Variants in CCDC187 observed in about 807,000 individuals in gnomAD.
CCDC187 encodes the protein coiled-coil domain containing 187, also known as coiled-coil domain-containing protein 187.
In CCDC187, 32 loss-of-function variants were observed where a neutral mutation model predicts 38.0. The observed-to-expected ratio is 0.84, with a 90% CI of 0.64 to 1.13. The LOEUF (loss-of-function observed/expected upper bound fraction) is 1.13, where lower values mean the gene tolerates loss of function less well. Ranked by LOEUF, CCDC187 falls within the 50% of genes most tolerant of loss-of-function variation. The pLI, the probability that CCDC187 is intolerant of heterozygous loss-of-function variation, is 0.00. For missense variants in CCDC187, 707 were observed against 786.8 expected, an observed-to-expected ratio of 0.90 and a Z score of 1.21; for synonymous variants, 333 against 347.9, an observed-to-expected ratio of 0.96 and a Z score of 0.48.
chr9:136,267,360 C>G, intron 16 of CCDC187, 24 bp downstream of exon 16: 2 of 984,984 alleles, frequency 2.0e-6, no homozygotes, highest in Non-Finnish European at 2.4e-6. Flanking sequence ...CGGGGCGGGG[C>G]CGGCGCCAGG....
Position 136,267,484 on chromosome 9 carries a change from C to A in CCDC187, c.3547G>T (p.Glu1183Ter). The part of the protein sequence containing the change: ...QMLERSLREE[E>*]LRAQHQAALL... ...GCGGCCTGGTGCTGTGCTCGCAGCT[C>A]CTCCTCCCGCAGGCTCCGCTCCAGC... Residue 1183 changes from glutamate to a stop codon, truncating the protein, a stop_gained, in exon 16 of 26, where the codon GAG (glutamate) becomes TAG (stop). Coordinates refer to ENST00000638797, the MANE Select transcript of CCDC187 (RefSeq NM_001378188.1). LOFTEE classifies it high-confidence loss of function. The A allele has an allele frequency of 4.1e-6, 4 of 985,706 alleles. No individual in the cohort carries two copies. The highest frequency in any genetic ancestry group is 4.8e-6 in the Non-Finnish European group (4 of 830,122). The allele number at this position is 985,706 out of a possible 1,614,324, so 61.1% of individuals were successfully genotyped here. A position where few individuals can be genotyped will look rare whatever the true frequency, so the allele number is the denominator to read the frequency against.
In CCDC187 at chr9:136,258,725, C is replaced by T. The variant is rs1385577108; in HGVS notation, c.4366+207G>A. 8.1e-5 allele frequency: 80 copies of T among 985,342 alleles called. No individual in the cohort carries two copies. Among genetic ancestry groups the T allele is most frequent in the Non-Finnish European group, 9.3e-5 (77 of 829,938 alleles). The allele number at this position is 985,342 out of a possible 1,614,324, so 61.0% of individuals were successfully genotyped here. ...TGACTTTTAATTTCTCCAGAAGAGC[C>T]GCTGCGTCACCTCCGGTAGGAGATG... On this transcript the variant is annotated intron_variant, in intron 22 of 25. Transcript: ENST00000638797. This position sits in a 1 kb window ranked among gnomAD's most constrained non-coding sequence, Gnocchi z 4.3.
chr9:136,293,125 ACACT>A (rs1330431957), intron 4 of CCDC187, among the ~76,000 whole-genome samples: 13 of 132,580 alleles, frequency 9.8e-5, no homozygotes, highest in African/African-American at 4.4e-4. Context: ...ACACTCACAA[ACACT>A]CACATGCTCA....
chr9:136,281,403 T>C (rs1831037437), intron 10 of CCDC187, 148 bp downstream of exon 10: 2 of 398,076 alleles, frequency 5.0e-6, no homozygotes, highest in African/African-American at 4.1e-5. Flanking sequence ...AAACCTTTAA[T>C]AACGAGGCGT....
chr9:136,279,140 C>G (rs906608415), intron 10 of CCDC187, among the ~76,000 whole-genome samples: 1 of 150,688 alleles, frequency 6.6e-6, no homozygotes, highest in African/African-American at 2.4e-5. Context: ...AATCTAGAAG[C>G]TTCCATTGGA....
chr9:136,265,018 C>T (rs1242165749), intron 17 of CCDC187, among the ~76,000 whole-genome samples: 3 of 152,234 alleles, frequency 2.0e-5, no homozygotes, highest in African/African-American at 4.8e-5. Context: ...TCCCAAAGTG[C>T]TGGAATTACG....
Position 136,294,026 on chromosome 9 carries a change from A to T in CCDC187, c.833-1731T>A, listed in dbSNP as rs911245321. On this transcript the variant is annotated intron_variant, in intron 4 of 25. Coordinates refer to ENST00000638797, the MANE Select transcript of CCDC187 (RefSeq NM_001378188.1). Reference sequence around the variant, plus strand: ...TATACACACGCCCTCACATGCTCTCACACACACACTCATATACACACGCCC... The same window carrying T: ...TATACACACGCCCTCACATGCTCTCTCACACACACTCATATACACACGCCC... 2.8e-3 allele frequency among the ~76,000 whole-genome samples: 410 copies of T among 146,298 alleles called. 1 individual carries two copies. Among genetic ancestry groups the T allele is most frequent in the African/African-American group, 0.01 (384 of 37,628 alleles).
chr9:136,290,146 G>A, intron 6 of CCDC187, 93 bp from the exon 7 acceptor site: 2 of 398,092 alleles, frequency 5.0e-6, no homozygotes, highest in Non-Finnish European at 8.9e-6. Flanking sequence ...GACCTCCCTT[G>A]GGGGTCTCAG....
In CCDC187 at chr9:136,262,344, G is replaced by A. The variant is rs539084384; in HGVS notation, c.4031C>T (p.Pro1344Leu). Residue 1344 changes from proline (P) to leucine (L), a missense_variant, in exon 19 of 26, where the codon CCC becomes CTC. Physicochemically the swap from Pro to Leu is moderately conservative, Grantham distance 98. Coordinates refer to ENST00000638797, the MANE Select transcript of CCDC187 (RefSeq NM_001378188.1). The stretch of plus-strand genomic sequence containing the variant: ...CTTTGAGCTTGCGGGGCTGCTCTGG[G>A]GGCGATGGCTGGTGGAGCTGCTGGG... Reference protein sequence around the residue: ...CRPSSSTSHRPQSSPASSKAT... With the variant: ...CRPSSSTSHRLQSSPASSKAT... 1 of 986,932 alleles carries A rather than the reference G, an allele frequency of 1.0e-6. No homozygotes were observed. Among genetic ancestry groups the A allele is most frequent in the African/African-American group, 1.7e-5 (1 of 57,404 alleles). The allele number at this position is 986,932 out of a possible 1,614,324, so 61.1% of individuals were successfully genotyped here.
At chr9:136,295,697 C>T (rs914938458) in intron 4 of CCDC187, among the ~76,000 whole-genome samples, 20 of 152,196 alleles carry the variant, frequency 1.3e-4, no homozygotes, top group Admixed American at 2.6e-4. Flanking sequence ...GCTGTGACTT[C>T]GTCACTGACA....
chr9:136,294,747 C>T (rs891255575), intron 4 of CCDC187, among the ~76,000 whole-genome samples: 87 of 152,172 alleles, frequency 5.7e-4, no homozygotes, highest in Non-Finnish European at 9.8e-4. Flanking sequence ...CCCAAAGCCA[C>T]GTCCCCAAGG....
rs1016254149 is a variant in CCDC187, at chr9:136,291,246, C to A, written c.1367G>T (p.Arg456Leu). Residue 456 changes from arginine (R) to leucine (L), a missense_variant, in exon 6 of 26, where the codon CGG (arginine) becomes CTG (leucine). By Grantham distance (102) the Arg-to-Leu change is moderately radical (BLOSUM62 -2). Transcript: ENST00000638797. ...TWEPWSSSTARESCPQRAWGA... is the reference protein window; with the variant it reads ...TWEPWSSSTALESCPQRAWGA... Reference sequence around the variant, plus strand: ...CCAGGCCCTCTGCGGACAGGACTCCCGTGCAGTGGAGGAGCTCCAGGGCTC... The same window carrying A: ...CCAGGCCCTCTGCGGACAGGACTCCAGTGCAGTGGAGGAGCTCCAGGGCTC... 1.7e-4 allele frequency: 67 copies of A among 398,294 alleles called. No homozygotes were observed. The highest frequency in any genetic ancestry group is 1.2e-3 in the Middle Eastern group (2 of 1,614). 24.7% of individuals were successfully genotyped at this position (398,294 alleles called of 1,614,324 possible).
At chr9:136,288,948 C>T (rs1831245311) in intron 7 of CCDC187, among the ~76,000 whole-genome samples, 1 of 152,156 alleles carries the variant, frequency 6.6e-6, no homozygotes, top group Non-Finnish European at 1.5e-5. Context: ...AGGTGTGCAC[C>T]CAAGAGAAAC....
At chr9:136,281,392 A>G (rs1445427203) in intron 10 of CCDC187, 159 bp downstream of exon 10, 6 of 398,466 alleles carry the variant, frequency 1.5e-5, no homozygotes, top group Non-Finnish European at 2.7e-5. Flanking sequence ...GAAAGCCTCT[A>G]AAACCTTTAA....
rs1441227254 is a variant in CCDC187, at chr9:136,281,108, G to A, written c.3040+443C>T. The A allele has an allele frequency of 2.5e-5, 7 of 275,724 alleles. No homozygotes were observed. In the South Asian group the frequency reaches 5.1e-4, roughly 20 times the overall value. 17.1% of individuals were successfully genotyped at this position (275,724 alleles called of 1,614,324 possible). On this transcript the variant is annotated intron_variant, in intron 10 of 25. Transcript: ENST00000638797. ...AGGAGGGTCCTACAGCGCAGCCCAC[G>A]CCAGCACGAGGCCCTCAAGCCCAGG...
At chr9:136,300,827 C>G (rs1831662571) in intron 2 of CCDC187, among the ~76,000 whole-genome samples, 1 of 152,232 alleles carries the variant, frequency 6.6e-6, no homozygotes, top group South Asian at 2.1e-4. Flanking sequence ...TCTCGAACTC[C>G]TGACCTCACG....
Position 136,267,335 on chromosome 9 carries a change from AGGGCGGGGCTACGGCG to A in CCDC187, c.3647+33_3647+48del, listed in dbSNP as rs1156580647. On this transcript the variant is annotated intron_variant, in intron 16 of 25. Coordinates refer to ENST00000638797, the MANE Select transcript of CCDC187 (RefSeq NM_001378188.1). The stretch of plus-strand genomic sequence containing the variant: ...GGCTACAGCAGGGCGGGGCTACAGC[AGGGCGGGGCTACGGCG>A]GGGCGGGGCCGGCGCCAGGCGCATG... The A allele has an allele frequency of 1.9e-5, 16 of 851,240 alleles. No homozygotes were observed. The African/African-American group carries it at 4.8e-4, about 26-fold the overall frequency. 52.7% of individuals were successfully genotyped at this position (851,240 alleles called of 1,614,324 possible).
rs1049217820 is a variant in CCDC187, at chr9:136,254,442, C to T, written c.5386G>A (p.Gly1796Ser). 21 of 985,278 alleles carry T rather than the reference C, an allele frequency of 2.1e-5. No individual in the cohort carries two copies. The highest frequency in any genetic ancestry group is 1.2e-4 in the African/African-American group (7 of 57,214). 61.0% of individuals were successfully genotyped at this position (985,278 alleles called of 1,614,324 possible). Residue 1796 changes from glycine to serine, a missense_variant, in exon 26 of 26, where the codon GGC becomes AGC. Gly to Ser is a moderately conservative substitution (Grantham distance 56). Coordinates refer to ENST00000638797, the MANE Select transcript of CCDC187 (RefSeq NM_001378188.1). ...GGAGGAGCCACCTGGGGCTCCACGC[C>T]GCTTCCAAGGCCCAGTGAGCCACCT... is the stretch of plus-strand genomic sequence containing the variant. ...PAGGSLGLGSGVEPQVAPPSP... is the reference protein window; with the variant it reads ...PAGGSLGLGSSVEPQVAPPSP...
rs1044689086 is a variant in CCDC187, at chr9:136,276,705, C to T, written c.3063G>A (p.Val1021=). 6.6e-6 allele frequency: 1 copy of T among 152,254 alleles called. No individual in the cohort carries two copies. Among genetic ancestry groups the T allele is most frequent in the East Asian group, 1.9e-4 (1 of 5,164 alleles). The allele number at this position is 152,254 out of a possible 1,614,324, so 9.4% of individuals were successfully genotyped here. A position where few individuals can be genotyped will look rare whatever the true frequency, so the allele number is the denominator to read the frequency against. The stretch of plus-strand genomic sequence containing the variant: ...TCTGTTGGGTGTTGGGAAGGCATCT[C>T]ACACATGGGTCCTCCTGCTGACCTG... The part of the protein sequence containing the change: ...RSCGQQEDPC[V]RCLPNTQQKT... The change falls in exon 11 of 26, where the codon GTG becomes GTA. Residue 1021 remains valine (V), a synonymous_variant. Coordinates refer to ENST00000638797, the MANE Select transcript of CCDC187 (RefSeq NM_001378188.1).
Sources: gnomAD v4.1 joint callset for allele counts (sites outside exome capture counted in the v4.1 genomes callset) on GRCh38, gnomAD v4.1.1 for gene constraint, Gnocchi (gnomAD v3.1) non-coding constraint, MANE v1.5 for transcripts, NCBI Gene and HGNC (gene_info 2026-07-23, HGNC 2026-07-21) for gene names.